Variants in PBX1 observed in about 807,000 individuals in gnomAD.
PBX1 encodes the protein pre-B-cell leukemia transcription factor 1.
Under a neutral mutation model 53.4 loss-of-function variants are expected in PBX1, and 6 were observed. That is an observed-to-expected ratio of 0.11 (90% CI 0.06 to 0.22). The LOEUF (loss-of-function observed/expected upper bound fraction) is 0.22, where lower values mean the gene tolerates loss of function less well. PBX1 is among the 10% of genes least tolerant of loss of function. The pLI is 1.00. For synonymous variants in PBX1, 204 were observed against 212.3 expected (o/e 0.96, Z 0.34); for missense variants, 251 against 551.4 (o/e 0.46, Z 5.46).
chr1:164,689,768 G>A (rs1350914156), intron 2 of PBX1, among the ~76,000 whole-genome samples: 2 of 151,994 alleles, frequency 1.3e-5, no homozygotes, highest in East Asian at 3.9e-4. Flanking sequence ...TTCTGGCTTG[G>A]CTCTCTTTGG....
At chr1:164,868,073 A>T (rs1281495493) in intron 2 of PBX1, among the ~76,000 whole-genome samples, 1 of 152,218 alleles carries the variant, frequency 6.6e-6, no homozygotes, top group Admixed American at 6.5e-5. Context: ...CCAGCATTTC[A>T]TGTGGGAGGA....
At chr1:164,772,009 TA>T (rs1240383094) in intron 2 of PBX1, among the ~76,000 whole-genome samples, 3 of 152,098 alleles carry the variant, frequency 2.0e-5, no homozygotes, top group Non-Finnish European at 2.9e-5. Flanking sequence ...ACCCCAAGAA[TA>T]GGGGGGAAAA....
At position 164,559,627 on chromosome 1, in the gene PBX1, C is replaced by T; in HGVS notation, c.-196C>T. 1 of 344,806 alleles carries T rather than the reference C, an allele frequency of 2.9e-6. No individual in the cohort carries two copies. The highest frequency in any genetic ancestry group is 4.9e-5 in the East Asian group (1 of 20,528). 21.4% of individuals were successfully genotyped at this position (344,806 alleles called of 1,614,324 possible). ...ACCCCTTCACGCCCCCTCCCCCTCC[C>T]CCTCCTCATCCTCCCACCATCCTCT... is the stretch of plus-strand genomic sequence containing the variant. On this transcript the variant is annotated 5_prime_UTR_variant, in exon 1 of 9. Transcript: ENST00000420696.
intron 2 of PBX1, among the ~76,000 whole-genome samples, chr1:164,596,228 C>T (rs1205180073): frequency 2.6e-5 from 4 of 152,010 alleles, no homozygotes; most frequent in Non-Finnish European, 4.4e-5. Flanking sequence ...GCATTAGGGT[C>T]TCACATTGAC....
At position 164,786,720 on chromosome 1, in the gene PBX1, T is replaced by TGTGTGTGTGTGTGTGTGCGCGCGCGCGC. The variant is rs1357886882; in HGVS notation, c.266-5773_266-5772insTGTGTGTGTGTGTGTGCGCGCGCGCGCG. Reference sequence around the variant, plus strand: ...GTGTGTGTGTGTGTGTGTGTGTGTGTGCGCGCGCACACACACACACGCACA... The same window carrying TGTGTGTGTGTGTGTGTGCGCGCGCGCGC: ...GTGTGTGTGTGTGTGTGTGTGTGTGTGTGTGTGTGTGTGTGTGCGCGCGCGCGCGCGCGCGCACACACACACACGCACA... On this transcript the variant is annotated intron_variant, in intron 2 of 8. Coordinates refer to ENST00000420696, the MANE Select transcript of PBX1 (RefSeq NM_002585.4). Among the ~76,000 whole-genome samples the TGTGTGTGTGTGTGTGTGCGCGCGCGCGC allele has an allele frequency of 6.0e-5, 7 of 116,246 alleles. No homozygotes were observed. The Admixed American group carries it at 6.2e-4, about 10-fold the overall frequency. The allele number at this position is 116,246 out of a possible 152,430, so 76.3% of individuals were successfully genotyped here.
At chr1:164,603,929 ATTTTTTTTTTTTTTTTTTTTTTT>A (rs71583414) in intron 2 of PBX1, among the ~76,000 whole-genome samples, 1 of 75,742 alleles carries the variant, frequency 1.3e-5, no homozygotes, top group African/African-American at 6.2e-5. Context: ...ATGTCATTTC[ATTTTTTTTTTTTTTTTTTTTTTT>A]TTTTTTTTTT....
At chr1:164,832,633 A>C (rs957938627) in intron 8 of PBX1, among the ~76,000 whole-genome samples, 1 of 152,152 alleles carries the variant, frequency 6.6e-6, no homozygotes, top group Non-Finnish European at 1.5e-5. Context: ...ATATAATATA[A>C]ATAGAACTAG....
chr1:164,701,814 T>C (rs1443942513), intron 2 of PBX1, among the ~76,000 whole-genome samples: 1 of 152,184 alleles, frequency 6.6e-6, no homozygotes, highest in Non-Finnish European at 1.5e-5. Context: ...TCATTTTCTA[T>C]CTCTGTATTA....
intron 2 of PBX1, among the ~76,000 whole-genome samples, chr1:164,638,319 T>C (rs1441451359): frequency 6.6e-6 from 1 of 152,222 alleles, no homozygotes; most frequent in Non-Finnish European, 1.5e-5. Flanking sequence ...GAAAACATTA[T>C]GAACCAGGGT....
chr1:164,823,615 G>A (rs1272845319), intron 8 of PBX1, among the ~76,000 whole-genome samples: 1 of 136,968 alleles, frequency 7.3e-6, no homozygotes, highest in East Asian at 2.5e-4. Context: ...GACTCTGGGG[G>A]GTGGGGGGGG....
chr1:164,859,935 A>G (rs1250694989), intron 2 of PBX1, among the ~76,000 whole-genome samples: 2 of 152,248 alleles, frequency 1.3e-5, no homozygotes, highest in Non-Finnish European at 2.9e-5. Context: ...AAAGCCAGGA[A>G]GAAATAGAAT....
At chr1:164,742,603 G>T (rs1219863012) in intron 2 of PBX1, among the ~76,000 whole-genome samples, 1 of 152,120 alleles carries the variant, frequency 6.6e-6, no homozygotes, top group Non-Finnish European at 1.5e-5. Context: ...AAACCAAAAA[G>T]TAAGTACATA....
At chr1:164,724,670 A>ATTTTTTTTTTTTT (rs59042806) in intron 2 of PBX1, among the ~76,000 whole-genome samples, 4 of 48,236 alleles carry the variant, frequency 8.3e-5, no homozygotes, top group East Asian at 1.1e-3. Context: ...ATAGCTGCAG[A>ATTTTTTTTTTTTT]TTTTTTTTTT....
intron 2 of PBX1, among the ~76,000 whole-genome samples, chr1:164,761,476 G>C (rs891007855): frequency 6.6e-6 from 1 of 150,668 alleles, no homozygotes; most frequent in East Asian, 2.0e-4. Flanking sequence ...ACGGAGTTTC[G>C]CTCTGTCGCC....
At chr1:164,789,617 G>C (rs1224485547) in intron 2 of PBX1, among the ~76,000 whole-genome samples, 1 of 152,208 alleles carries the variant, frequency 6.6e-6, no homozygotes, top group Non-Finnish European at 1.5e-5. Flanking sequence ...CCCTGGCAAG[G>C]CAAGTCCTGA....
rs1300655347 is a variant in PBX1 at position 164,845,502 on chromosome 1, A to ACACAAC, written c.1201-1082_1201-1081insCACAAC. ...CTGATCTGTTCAACGTGAACTACAA[A>ACACAAC]GGAACACAGTAATCGAAGGGGGGAA... On this transcript the variant is annotated intron_variant, in intron 8 of 8. Coordinates refer to ENST00000420696, the MANE Select transcript of PBX1 (RefSeq NM_002585.4). Among the ~76,000 whole-genome samples, 14 of 152,342 alleles carry ACACAAC rather than the reference A, an allele frequency of 9.2e-5. No homozygotes were observed. The East Asian group carries it at 2.7e-3, about 29-fold the overall frequency.
chr1:164,636,251 C>T (rs1349403774), intron 2 of PBX1, among the ~76,000 whole-genome samples: 2 of 151,748 alleles, frequency 1.3e-5, no homozygotes, highest in African/African-American at 4.8e-5. Flanking sequence ...AACACAGTTT[C>T]TTGGGTTAAC....
intron 2 of PBX1, among the ~76,000 whole-genome samples, chr1:164,588,836 C>T (rs910124806): frequency 5.3e-5 from 8 of 152,152 alleles, no homozygotes; most frequent in African/African-American, 1.9e-4. Flanking sequence ...TCCCTCCGCC[C>T]CCACCATGCC....
chr1:164,866,378 G>A (rs1672217644), intron 2 of PBX1, among the ~76,000 whole-genome samples: 1 of 152,180 alleles, frequency 6.6e-6, no homozygotes, highest in Non-Finnish European at 1.5e-5. Context: ...ATTTCTCCAT[G>A]TTACCCAGCC....
Sources: allele counts gnomAD v4.1 joint callset (sites outside exome capture counted in the v4.1 genomes callset), GRCh38; gene constraint gnomAD v4.1.1; transcripts MANE v1.5; gene names NCBI Gene and HGNC (gene_info 2026-07-23, HGNC 2026-07-21).